DLGAP4: variants seen among roughly 807,000 people sequenced by gnomAD.
DLGAP4 encodes the protein DLG associated protein 4, also known as disks large-associated protein 4.
In DLGAP4, 18 loss-of-function variants were observed where a neutral mutation model predicts 86.9. The ratio of observed to expected loss-of-function variants is 0.21; its 90% CI spans 0.14 to 0.31. The LOEUF is 0.31. Ranked by LOEUF, DLGAP4 falls within the 10% of genes least tolerant of loss-of-function variation. The pLI, the probability that DLGAP4 is intolerant of heterozygous loss-of-function variation, is 1.00. For synonymous variants in DLGAP4, 548 were observed against 574.3 expected (o/e 0.95, Z 0.65); for missense variants, 1,085 against 1,362.6 (o/e 0.80, Z 3.21).
chr20:36,460,855 T>C lies in DLGAP4; in HGVS notation c.1648+13918T>C, dbSNP rs558658189. ...GGGAGGAATGGAAGGCTCAGGGAAG[T>C]TGAATGCGGATGTTGTTCAAGATCA... On this transcript the variant is annotated intron_variant, in intron 7 of 12. Transcript: ENST00000339266. 3.3e-5 allele frequency among the ~76,000 whole-genome samples: 5 copies of C among 152,286 alleles called. No individual in the cohort carries two copies. In the East Asian group the frequency reaches 9.6e-4, roughly 29 times the overall value.
intron 2 of DLGAP4, among the ~76,000 whole-genome samples, chr20:36,395,971 G>C (rs1196803180): frequency 6.6e-6 from 1 of 152,096 alleles, no homozygotes; most frequent in Non-Finnish European, 1.5e-5. Flanking sequence ...AGACTGGCTG[G>C]GCTGATTAGA....
At chr20:36,314,306 G>T (rs1177733877) in intron 1 of DLGAP4, among the ~76,000 whole-genome samples, 5 of 147,932 alleles carry the variant, frequency 3.4e-5, no homozygotes, top group African/African-American at 1.3e-4. Flanking sequence ...TGGCCTCGGG[G>T]TCCTTCCCAC....
rs2037799514 is a variant in DLGAP4 at position 36,526,794 on chromosome 20, CCTCACTGTCTCACTA to C, written c.2761-18_2761-4del. On this transcript the variant is annotated splice_region_variant and splice_polypyrimidine_tract_variant and intron_variant, in intron 12 of 12. Coordinates refer to ENST00000339266, the MANE Select transcript of DLGAP4 (RefSeq NM_001365621.2). ...CACCTTTATTTTATTTTTGTTCTCTCCTCACTGTCTCACTAAAGGAAGAGAAGAAACCACCCCCTC... is the reference window on the plus strand; with the variant it reads ...CACCTTTATTTTATTTTTGTTCTCTCAAGGAAGAGAAGAAACCACCCCCTC... 5 of 1,577,506 alleles carry C rather than the reference CCTCACTGTCTCACTA, an allele frequency of 3.2e-6. No homozygotes were observed. In the East Asian group the frequency reaches 1.1e-4, roughly 36 times the overall value.
chr20:36,461,737 C>A, intron 7 of DLGAP4: 1 of 900,810 alleles, frequency 1.1e-6, no homozygotes, highest in Non-Finnish European at 1.3e-6. Flanking sequence ...GTCTGTCCGT[C>A]CGTCCGTCCG....
At chr20:36,387,405 A>T (rs2031637775) in intron 2 of DLGAP4, among the ~76,000 whole-genome samples, 1 of 152,164 alleles carries the variant, frequency 6.6e-6, no homozygotes. Flanking sequence ...ATATGTGAAT[A>T]TTAATCCTTG....
intron 4 of DLGAP4, among the ~76,000 whole-genome samples, chr20:36,437,395 G>A (rs962323120): frequency 2.0e-5 from 3 of 152,144 alleles, no homozygotes; most frequent in African/African-American, 4.8e-5. Context: ...ACTGTCCCAC[G>A]GGATCTTGGT....
At chr20:36,324,286 G>T (rs529054134) in intron 1 of DLGAP4, among the ~76,000 whole-genome samples, 1 of 152,178 alleles carries the variant, frequency 6.6e-6, no homozygotes, top group Non-Finnish European at 1.5e-5. Flanking sequence ...AATTAGCTGG[G>T]TGTGGTGGCG....
intron 2 of DLGAP4, among the ~76,000 whole-genome samples, chr20:36,368,456 GT>G (rs1319562870): frequency 6.6e-6 from 1 of 152,252 alleles, no homozygotes; most frequent in Non-Finnish European, 1.5e-5. Flanking sequence ...GTATGTAGAA[GT>G]GCTTCTGTGA....
At chr20:36,389,727 G>A (rs533857054) in intron 2 of DLGAP4, among the ~76,000 whole-genome samples, 3 of 152,282 alleles carry the variant, frequency 2.0e-5, no homozygotes, top group African/African-American at 7.2e-5. Context: ...ATTAAAGGTA[G>A]GCTATAAATT....
chr20:36,331,078 C>T (rs562976563), intron 1 of DLGAP4, among the ~76,000 whole-genome samples: 12 of 152,306 alleles, frequency 7.9e-5, no homozygotes, highest in African/African-American at 2.4e-4. Context: ...CAGCTCATCC[C>T]CCCTGGGGGC....
intron 2 of DLGAP4, among the ~76,000 whole-genome samples, chr20:36,415,306 G>A (rs1415244315): frequency 2.6e-5 from 4 of 151,912 alleles, no homozygotes; most frequent in Non-Finnish European, 5.9e-5. Context: ...CAAAACAAAC[G>A]AAAACGTCCA....
chr20:36,525,172 C>T (rs1272814635), intron 11 of DLGAP4, among the ~76,000 whole-genome samples: 6 of 126,776 alleles, frequency 4.7e-5, no homozygotes, highest in Admixed American at 3.9e-4. Context: ...GAGCCGAGAT[C>T]GCGTCACTGC....
chr20:36,363,432 G>A lies in DLGAP4; in HGVS notation c.-303-3613G>A, dbSNP rs973640071. Reference sequence around the variant, plus strand: ...AGGTCAGAAGCAGGACACCAGAGAGGGCATGAATAATCCAGGCACGAGGTG... The same window carrying A: ...AGGTCAGAAGCAGGACACCAGAGAGAGCATGAATAATCCAGGCACGAGGTG... On this transcript the variant is annotated intron_variant, in intron 1 of 12. Coordinates refer to ENST00000339266, the MANE Select transcript of DLGAP4 (RefSeq NM_001365621.2). 3.3e-5 allele frequency among the ~76,000 whole-genome samples: 5 copies of A among 152,290 alleles called. No individual in the cohort carries two copies. The South Asian group carries it at 1.0e-3, about 32-fold the overall frequency.
chr20:36,438,460 G>A (rs950990673), intron 4 of DLGAP4, among the ~76,000 whole-genome samples: 5 of 150,250 alleles, frequency 3.3e-5, no homozygotes, highest in Non-Finnish European at 5.9e-5. Context: ...CACTGTCCAG[G>A]CTGGCAGTGA....
At chr20:36,487,214 AAGG>A (rs2035457127) in intron 7 of DLGAP4, among the ~76,000 whole-genome samples, 1 of 152,106 alleles carries the variant, frequency 6.6e-6, no homozygotes, top group African/African-American at 2.4e-5. Flanking sequence ...GGCTGATGTG[AAGG>A]AGGAGAGGAT....
chr20:36,524,461 A>C, intron 11 of DLGAP4, 120 bp downstream of exon 11: 5 of 797,366 alleles, frequency 6.3e-6, no homozygotes, highest in Non-Finnish European at 9.9e-6. Flanking sequence ...CGGCTTCCTC[A>C]TGGTGCTGGA....
intron 2 of DLGAP4, among the ~76,000 whole-genome samples, chr20:36,422,079 C>G (rs2032845479): frequency 6.6e-6 from 1 of 152,092 alleles, no homozygotes; most frequent in African/African-American, 2.4e-5. Flanking sequence ...AAAGACACAG[C>G]CATGGCGCAA....
At chr20:36,357,150 C>T (rs893485087) in intron 1 of DLGAP4, among the ~76,000 whole-genome samples, 1 of 152,116 alleles carries the variant, frequency 6.6e-6, no homozygotes, top group Non-Finnish European at 1.5e-5. Context: ...CGTGAGCGAG[C>T]CCCCACCTGC....
rs778649892 is a variant in DLGAP4, at chr20:36,461,662, C to CCGCCCGGCCCG, written c.1648+14725_1648+14726insCGCCCGGCCCG. ...CCCCGCGAGGAGACGGGGGCCGCCC[C>CCGCCCGGCCCG]GCCCGGCCCGGCCCGGCCCTGCCCC... is the stretch of plus-strand genomic sequence containing the variant. On this transcript the variant is annotated intron_variant, in intron 7 of 12. Transcript: ENST00000339266. The CCGCCCGGCCCG allele has an allele frequency of 2.6e-4, 63 of 241,796 alleles. 5 individuals carry two copies. Among genetic ancestry groups the CCGCCCGGCCCG allele is most frequent in the East Asian group, 4.2e-4 (2 of 4,792 alleles). The allele number at this position is 241,796 out of a possible 1,614,324, so 15.0% of individuals were successfully genotyped here.
Sources: gnomAD v4.1 joint callset for allele counts (sites outside exome capture counted in the v4.1 genomes callset) on GRCh38, gnomAD v4.1.1 for gene constraint, MANE v1.5 for transcripts, NCBI Gene and HGNC (gene_info 2026-07-23, HGNC 2026-07-21) for gene names.